NSUN6: variants seen among roughly 807,000 people sequenced by gnomAD.
NSUN6 encodes tRNA (cytosine(72)-C(5))-methyltransferase NSUN6.
A neutral mutation model predicts 58.0 loss-of-function variants in NSUN6; 64 were observed. That is an observed-to-expected ratio of 1.10 (90% confidence interval 0.90 to 1.36). The LOEUF (loss-of-function observed/expected upper bound fraction) is 1.36, where lower values mean the gene tolerates loss of function less well. Ranked by LOEUF, NSUN6 falls within the 40% of genes most tolerant of loss-of-function variation. The pLI is 0.00. For missense variants in NSUN6, 701 were observed against 550.1 expected (o/e 1.27, Z -2.74); for synonymous variants, 231 against 193.9 (o/e 1.19, Z -1.59).
intron 8 of NSUN6, among the ~76,000 whole-genome samples, chr10:18,584,575 C>T (rs1478445739): frequency 2.6e-5 from 4 of 152,084 alleles, no homozygotes; most frequent in African/African-American, 9.7e-5. Context: ...ATTAACACAA[C>T]TTAGGTAGTC....
intron 4 of NSUN6, among the ~76,000 whole-genome samples, chr10:18,615,482 T>C (rs922999257): frequency 1.8e-4 from 27 of 152,230 alleles, no homozygotes; most frequent in African/African-American, 6.5e-4. Flanking sequence ...ATAAGTTCTC[T>C]GTGGCATATT....
chr10:18,567,741 T>A (rs904128294), intron 8 of NSUN6, among the ~76,000 whole-genome samples: 1 of 98,188 alleles, frequency 1.0e-5, no homozygotes, highest in Non-Finnish European at 2.1e-5. Context: ...ATTCTGCATT[T>A]CATTCCATTC....
chr10:18,592,168 A>G (rs2057401866), intron 7 of NSUN6, among the ~76,000 whole-genome samples: 1 of 152,168 alleles, frequency 6.6e-6, no homozygotes, highest in Non-Finnish European at 1.5e-5. Context: ...TACAAGGGAC[A>G]TGAATTACCC....
intron 8 of NSUN6, among the ~76,000 whole-genome samples, chr10:18,552,454 T>C (rs1478964361): frequency 6.6e-6 from 1 of 152,168 alleles, no homozygotes; most frequent in Non-Finnish European, 1.5e-5. Context: ...AATGAGCCAG[T>C]ACCACCCCTA....
At chr10:18,650,405 T>C (rs1012178610) in intron 1 of NSUN6, among the ~76,000 whole-genome samples, 2 of 152,216 alleles carry the variant, frequency 1.3e-5, no homozygotes, top group Non-Finnish European at 2.9e-5. Context: ...GCCAAAACAA[T>C]GCTAGTTGTA....
intron 7 of NSUN6, among the ~76,000 whole-genome samples, chr10:18,591,015 G>A (rs113131069): frequency 0.053 from 7,992 of 152,098 alleles, 294 homozygotes; most frequent in Non-Finnish European, 0.077. Flanking sequence ...AGAAAACAAA[G>A]AAGAATCAAA....
chr10:18,557,871 G>A (rs2055163463), intron 8 of NSUN6, among the ~76,000 whole-genome samples: 1 of 150,658 alleles, frequency 6.6e-6, no homozygotes, highest in African/African-American at 2.4e-5. Context: ...ATGGAATGGA[G>A]CGTGGAATGG....
At chr10:18,554,464 T>C (rs192805346) in intron 8 of NSUN6, among the ~76,000 whole-genome samples, 14 of 147,840 alleles carry the variant, frequency 9.5e-5, no homozygotes, top group African/African-American at 3.5e-4. Flanking sequence ...GAATGGGGAA[T>C]GGAATGGAGT....
intron 3 of NSUN6, among the ~76,000 whole-genome samples, chr10:18,623,246 TTAAC>T (rs1416500742): frequency 6.6e-6 from 1 of 152,152 alleles, no homozygotes; most frequent in African/African-American, 2.4e-5. Context: ...TATATAAAGT[TTAAC>T]TGATGCATTT....
chr10:18,636,534 G>C (rs1229384098), intron 3 of NSUN6, among the ~76,000 whole-genome samples: 7 of 151,824 alleles, frequency 4.6e-5, no homozygotes, highest in African/African-American at 7.3e-5. Flanking sequence ...TACAAACTAG[G>C]TGGTAGGAAT....
At chr10:18,557,723 G>T (rs559084449) in intron 8 of NSUN6, among the ~76,000 whole-genome samples, 1 of 150,842 alleles carries the variant, frequency 6.6e-6, no homozygotes, top group South Asian at 2.1e-4. Context: ...ATGGAGAATG[G>T]AATGGAATGG....
intron 3 of NSUN6, among the ~76,000 whole-genome samples, chr10:18,622,134 T>C (rs902904354): frequency 5.3e-5 from 8 of 152,194 alleles, no homozygotes; most frequent in Non-Finnish European, 1.2e-4. Context: ...AAAATTCACA[T>C]GCTGAAACCC....
At chr10:18,548,022 A>T in intron 10 of NSUN6, 90 bp downstream of exon 10, 1 of 1,268,390 alleles carries the variant, frequency 7.9e-7, no homozygotes, top group Non-Finnish European at 1.1e-6. Context: ...TGGAAGTTTT[A>T]CTTATCTCTT....
chr10:18,648,741 A>G, intron 1 of NSUN6, 96 bp from the exon 2 acceptor site: 1 of 684,102 alleles, frequency 1.5e-6, no homozygotes, highest in Non-Finnish European at 2.5e-6. Flanking sequence ...ATCGCTTAGC[A>G]ATTGTTCAGC....
At chr10:18,583,203 C>T (rs560716913) in intron 8 of NSUN6, among the ~76,000 whole-genome samples, 54 of 152,306 alleles carry the variant, frequency 3.5e-4, no homozygotes, top group African/African-American at 1.3e-3. Context: ...TAGGATCTCT[C>T]CACCACGCAT....
At chr10:18,583,368 T>C (rs927157408) in intron 8 of NSUN6, among the ~76,000 whole-genome samples, 6 of 152,184 alleles carry the variant, frequency 3.9e-5, no homozygotes, top group Non-Finnish European at 8.8e-5. Context: ...ATTAAAAGCT[T>C]TGTTGCTCAC....
chr10:18,656,780 A>G (rs1180075732), upstream of NSUN6, among the ~76,000 whole-genome samples: 3 of 130,746 alleles, frequency 2.3e-5, no homozygotes, highest in African/African-American at 8.8e-5. Flanking sequence ...AAAGGAAGTT[A>G]TTTCCAATGA....
At chr10:18,636,174 A>G (rs906505255) in intron 3 of NSUN6, among the ~76,000 whole-genome samples, 16 of 152,200 alleles carry the variant, frequency 1.1e-4, no homozygotes, top group Non-Finnish European at 1.3e-4. Context: ...AACGCAGTAC[A>G]TAAGAGGTAA....
intron 3 of NSUN6, among the ~76,000 whole-genome samples, chr10:18,621,560 G>C (rs1458238465): frequency 1.3e-5 from 2 of 152,080 alleles, no homozygotes; most frequent in Non-Finnish European, 2.9e-5. Context: ...GTAAAAGTTG[G>C]TGCAAGGCCA....
Sources: allele counts gnomAD v4.1 joint callset (sites outside exome capture counted in the v4.1 genomes callset), GRCh38; gene constraint gnomAD v4.1.1; transcripts MANE v1.5; gene names NCBI Gene and HGNC (gene_info 2026-07-23, HGNC 2026-07-21).